The following ERICH6B variants were observed in gnomAD, a reference collection of about 807,000 sequenced individuals.
ERICH6B encodes glutamate rich 6B.
ERICH6B carries 69 observed loss-of-function variants against 80.0 expected under a neutral mutation model. The ratio of observed to expected loss-of-function variants is 0.86; its 90% CI spans 0.71 to 1.05. The LOEUF (loss-of-function observed/expected upper bound fraction) is 1.05, where lower values mean the gene tolerates loss of function less well. Among genes scored for constraint, ERICH6B ranks in the 50% least tolerant of loss-of-function variants. The probability of loss-of-function intolerance (pLI) is 0.00; values close to 1 mark genes in which losing one functional copy is unlikely to be tolerated. For synonymous variants in ERICH6B, 283 were observed against 291.9 expected, an observed-to-expected ratio of 0.97 and a Z score of 0.31; for missense variants, 754 against 796.1, an observed-to-expected ratio of 0.95 and a Z score of 0.64.
At chr13:45,578,157 G>T (rs1875499659) in intron 7 of ERICH6B, among the ~76,000 whole-genome samples, 1 of 152,146 alleles carries the variant, frequency 6.6e-6, no homozygotes, top group Non-Finnish European at 1.5e-5. Flanking sequence ...TATCTAATGA[G>T]GTTCTTCATC....
At chr13:45,552,985 T>C (rs1874282833) in intron 11 of ERICH6B, 1 of 178,926 alleles carries the variant, frequency 5.6e-6, no homozygotes, top group Admixed American at 6.3e-5. Context: ...CCGTAAGCAA[T>C]GTTCTGAGCG....
At chr13:45,600,994 C>T (rs1354036757) in intron 2 of ERICH6B, among the ~76,000 whole-genome samples, 1 of 152,200 alleles carries the variant, frequency 6.6e-6, no homozygotes, top group East Asian at 1.9e-4. Context: ...TCAGATTTCT[C>T]ATCCTCCCCA....
At chr13:45,543,664 C>T (rs1873876150) in intron 14 of ERICH6B, among the ~76,000 whole-genome samples, 1 of 152,218 alleles carries the variant, frequency 6.6e-6, no homozygotes, top group Non-Finnish European at 1.5e-5. Context: ...ACCTTGATCT[C>T]AGACTTGGCC....
chr13:45,571,239 CTG>C (rs1566293549), intron 8 of ERICH6B, among the ~76,000 whole-genome samples: 1 of 152,172 alleles, frequency 6.6e-6, no homozygotes, highest in Non-Finnish European at 1.5e-5. Context: ...AGTAGCACTG[CTG>C]TGTCTAGAGT....
At chr13:45,563,519 A>C in intron 10 of ERICH6B, 1 of 597,698 alleles carries the variant, frequency 1.7e-6, no homozygotes, top group Non-Finnish European at 3.0e-6. Context: ...TGCCCCTGCC[A>C]CCAAGAAAGA....
At chr13:45,596,023 C>T (rs1437713798) in intron 3 of ERICH6B, among the ~76,000 whole-genome samples, 1 of 152,150 alleles carries the variant, frequency 6.6e-6, no homozygotes, top group Non-Finnish European at 1.5e-5. Context: ...ATACAAATAA[C>T]AATTATTATT....
chr13:45,601,017 G>A (rs1013361221), intron 2 of ERICH6B, among the ~76,000 whole-genome samples: 1 of 152,124 alleles, frequency 6.6e-6, no homozygotes, highest in Non-Finnish European at 1.5e-5. Flanking sequence ...CCCCAGGCCT[G>A]CCTTCATCAA....
chr13:45,587,212 G>A lies in ERICH6B; in HGVS notation c.707C>T (p.Ser236Phe). ...GACAGTCAAGAAGGTGGTCACCTGA[G>A]AGGGGCCAGCGTCTGGACTCCTGTC... ...RDARSPDAGP[S>F]QVTTFLTVPL... The change falls in exon 5 of 15, where the codon TCT becomes TTT. Residue 236 changes from serine to phenylalanine, a missense_variant. Ser to Phe is a radical substitution (Grantham distance 155). Transcript: ENST00000298738. The A allele has an allele frequency of 6.4e-7, 1 of 1,551,692 alleles. No individual in the cohort carries two copies. The highest frequency in any genetic ancestry group is 8.7e-7 in the Non-Finnish European group (1 of 1,146,994).
At chr13:45,599,005 TC>T (rs1949807614) in intron 2 of ERICH6B, among the ~76,000 whole-genome samples, 1 of 152,340 alleles carries the variant, frequency 6.6e-6, no homozygotes, top group East Asian at 1.9e-4. Context: ...GCCATCTCCA[TC>T]TGGCCCAAGC....
At chr13:45,565,320 C>T (rs968072594) in intron 9 of ERICH6B, among the ~76,000 whole-genome samples, 1 of 152,168 alleles carries the variant, frequency 6.6e-6, no homozygotes. Flanking sequence ...TTTCACACAG[C>T]CTCTCCCTGG....
intron 2 of ERICH6B, among the ~76,000 whole-genome samples, chr13:45,599,625 C>T (rs1010338090): frequency 1.3e-5 from 2 of 152,152 alleles, no homozygotes; most frequent in Non-Finnish European, 2.9e-5. Context: ...TATTCTCACT[C>T]AGGTAGACTG....
At chr13:45,574,619 A>G (rs189451760) in intron 8 of ERICH6B, among the ~76,000 whole-genome samples, 48 of 152,252 alleles carry the variant, frequency 3.2e-4, no homozygotes, top group Non-Finnish European at 5.6e-4. Context: ...AGGTTGCCCC[A>G]TCTACATAGA....
In ERICH6B at chr13:45,541,605, T is replaced by C. The variant is rs375914112; in HGVS notation, c.1948A>G (p.Lys650Glu). ...ATTTTCCCCAGAAGGACCCGGATCTTCTGGGCTGTTGGGCCGGGTTCTGCC... is the reference window on the plus strand; with the variant it reads ...ATTTTCCCCAGAAGGACCCGGATCTCCTGGGCTGTTGGGCCGGGTTCTGCC... Reference protein sequence around the residue: ...LEAEPGPTAQKIRVLLGKMNR... With the variant: ...LEAEPGPTAQEIRVLLGKMNR... The change falls in exon 15 of 15, where the codon AAG (lysine) becomes GAG (glutamate). Residue 650 changes from lysine (K) to glutamate (E), a missense_variant. Lys to Glu is a moderately conservative substitution (Grantham distance 56). Coordinates refer to ENST00000298738, the MANE Select transcript of ERICH6B (RefSeq NM_182542.3). 211 of 1,551,750 alleles carry C rather than the reference T, an allele frequency of 1.4e-4. No individual in the cohort carries two copies. The African/African-American group carries it at 2.7e-3, about 20-fold the overall frequency.
At chr13:45,604,384 G>T (rs11843859) in intron 2 of ERICH6B, among the ~76,000 whole-genome samples, 1 of 152,118 alleles carries the variant, frequency 6.6e-6, no homozygotes, top group African/African-American at 2.4e-5. Flanking sequence ...GGGATGCTGC[G>T]GCAGAAGCCC....
At position 45,606,527 on chromosome 13, in the gene ERICH6B, ATATATATATATATATATATATTT is replaced by A. The variant is rs1566307757; in HGVS notation, c.-59+1014_-59+1036del. On this transcript the variant is annotated intron_variant, in intron 2 of 14. Coordinates refer to ENST00000298738, the MANE Select transcript of ERICH6B (RefSeq NM_182542.3). ...TGTGTATATATATATATATATATATATATATATATATATATATATATTTTTTTTTTTTTTTTTTTTTTTGGAGA... is the reference window on the plus strand; with the variant it reads ...TGTGTATATATATATATATATATATATTTTTTTTTTTTTTTTTTTTGGAGA... Among the ~76,000 whole-genome samples, 35 of 31,956 alleles carry A rather than the reference ATATATATATATATATATATATTT, an allele frequency of 1.1e-3. 1 individual carries two copies. The highest frequency in any genetic ancestry group is 1.5e-3 in the Admixed American group (3 of 2,062). The allele number at this position is 31,956 out of a possible 152,430, so 21.0% of individuals were successfully genotyped here. A position where few individuals can be genotyped will look rare whatever the true frequency, so the allele number is the denominator to read the frequency against.
intron 11 of ERICH6B, among the ~76,000 whole-genome samples, chr13:45,552,618 G>C (rs1281619045): frequency 6.6e-6 from 1 of 151,638 alleles, no homozygotes; most frequent in Non-Finnish European, 1.5e-5. Context: ...AGAAACAATA[G>C]TTTTTCTAAC....
At chr13:45,587,350 A>G (rs1875955464) in intron 4 of ERICH6B, 118 bp from the exon 5 acceptor site, 2 of 835,284 alleles carry the variant, frequency 2.4e-6, no homozygotes, top group East Asian at 2.7e-5. Context: ...GATGATGGAC[A>G]TCTCAAGGTT....
At chr13:45,608,154 T>C (rs755041026) in intron 1 of ERICH6B, among the ~76,000 whole-genome samples, 1 of 152,164 alleles carries the variant, frequency 6.6e-6, no homozygotes, top group Non-Finnish European at 1.5e-5. Flanking sequence ...GCCCAATGGG[T>C]ACACACGATT....
At position 45,579,921 on chromosome 13, in the gene ERICH6B, T is replaced by C. The variant is rs375384371; in HGVS notation, c.961+12A>G. 4.7e-5 allele frequency: 73 copies of C among 1,551,836 alleles called. No individual in the cohort carries two copies. The African/African-American group carries it at 7.2e-4, about 15-fold the overall frequency. ...AGCAGGGATCTTTGGATGCATTATG[T>C]CAGATGCTCACCATTTTCTTCCTTT... On this transcript the variant is annotated intron_variant, in intron 7 of 14. Transcript: ENST00000298738.
Sources: gnomAD v4.1 joint callset for allele counts (sites outside exome capture counted in the v4.1 genomes callset) on GRCh38, gnomAD v4.1.1 for gene constraint, MANE v1.5 for transcripts, NCBI Gene and HGNC (gene_info 2026-07-23, HGNC 2026-07-21) for gene names.